The following TMEM232 variants were observed in gnomAD, a reference collection of about 807,000 sequenced individuals.
TMEM232 encodes transmembrane protein 232.
TMEM232 carries 80 observed loss-of-function variants against 78.8 expected under a neutral mutation model. The ratio of observed to expected loss-of-function variants is 1.01; its 90% CI spans 0.85 to 1.22. The LOEUF is 1.22. TMEM232 is among the 50% of genes most tolerant of loss of function. The probability of loss-of-function intolerance (pLI) is 0.00; values close to 1 mark genes in which losing one functional copy is unlikely to be tolerated. For missense variants in TMEM232, 881 were observed against 742.2 expected (o/e 1.19, Z -2.17); for synonymous variants, 297 against 254.3 (o/e 1.17, Z -1.60).
At chr5:110,478,787 A>T (rs1421695575) in intron 12 of TMEM232, among the ~76,000 whole-genome samples, 1 of 151,796 alleles carries the variant, frequency 6.6e-6, no homozygotes. Flanking sequence ...GTGTTAGACC[A>T]CTGCTGTAAT....
chr5:110,673,711 T>G (rs1235698679), intron 1 of TMEM232, among the ~76,000 whole-genome samples: 1 of 152,182 alleles, frequency 6.6e-6, no homozygotes, highest in African/African-American at 2.4e-5. Context: ...GATCATTGGA[T>G]TCTGAAGTTT....
At chr5:110,451,977 A>G (rs1760347499) in intron 12 of TMEM232, among the ~76,000 whole-genome samples, 1 of 152,124 alleles carries the variant, frequency 6.6e-6, no homozygotes, top group Non-Finnish European at 1.5e-5. Context: ...TTCAGCTACT[A>G]TTTTTGTTGA....
chr5:110,548,700 G>C (rs993466773), intron 11 of TMEM232, among the ~76,000 whole-genome samples: 1 of 151,890 alleles, frequency 6.6e-6, no homozygotes, highest in African/African-American at 2.4e-5. Context: ...TAAATAAACT[G>C]TTTCAATTTG....
chr5:110,681,734 T>C (rs971968430), intron 1 of TMEM232, among the ~76,000 whole-genome samples: 2 of 152,222 alleles, frequency 1.3e-5, no homozygotes, highest in South Asian at 2.1e-4. Context: ...AGTTGAATAA[T>C]AGAACTTGGT....
chr5:110,485,248 C>A (rs1203929236), intron 12 of TMEM232, among the ~76,000 whole-genome samples: 1 of 152,096 alleles, frequency 6.6e-6, no homozygotes, highest in Non-Finnish European at 1.5e-5. Flanking sequence ...ACCTACTAGG[C>A]GTAAGTAACA....
At chr5:110,613,786 T>C (rs1214061721) in intron 8 of TMEM232, among the ~76,000 whole-genome samples, 1 of 152,142 alleles carries the variant, frequency 6.6e-6, no homozygotes, top group Non-Finnish European at 1.5e-5. Context: ...TCTGGTTTTA[T>C]TTTGGTAATT....
At chr5:110,590,054 T>C (rs139830357) in intron 10 of TMEM232, among the ~76,000 whole-genome samples, 2 of 152,214 alleles carry the variant, frequency 1.3e-5, no homozygotes, top group African/African-American at 4.8e-5. Context: ...ATAAAAGGAA[T>C]AATAAAAGTC....
intron 11 of TMEM232, among the ~76,000 whole-genome samples, chr5:110,549,036 T>C (rs1386896710): frequency 6.6e-6 from 1 of 151,940 alleles, no homozygotes; most frequent in Non-Finnish European, 1.5e-5. Context: ...TAAATAGAGA[T>C]AACAGAAATT....
At chr5:110,737,125 T>C (rs1205295759) in intron 1 of TMEM232, among the ~76,000 whole-genome samples, 1 of 152,106 alleles carries the variant, frequency 6.6e-6, no homozygotes, top group East Asian at 1.9e-4. Context: ...CTCCCTAAAC[T>C]AGAATGTCAG....
intron 3 of TMEM232, among the ~76,000 whole-genome samples, chr5:110,397,253 G>A (rs1381606245): frequency 6.6e-6 from 1 of 152,066 alleles, no homozygotes; most frequent in Non-Finnish European, 1.5e-5. Flanking sequence ...TATGCCATCT[G>A]TTTAAAATTT....
At chr5:110,477,597 A>T (rs1195208505) in intron 12 of TMEM232, among the ~76,000 whole-genome samples, 1 of 151,794 alleles carries the variant, frequency 6.6e-6, no homozygotes, top group Admixed American at 6.6e-5. Flanking sequence ...GGTTGTGTTA[A>T]CTATTACTCT....
chr5:110,626,589 CTAAA>C (rs1288296744), intron 6 of TMEM232, among the ~76,000 whole-genome samples: 7 of 152,096 alleles, frequency 4.6e-5, no homozygotes, highest in East Asian at 1.9e-4. Flanking sequence ...TTTTATCCAT[CTAAA>C]TAAACTATTG....
intron 11 of TMEM232, among the ~76,000 whole-genome samples, chr5:110,548,097 C>T (rs1196745381): frequency 6.6e-6 from 1 of 151,058 alleles, no homozygotes; most frequent in East Asian, 1.9e-4. Context: ...GTGTTTTCCT[C>T]GAGCAGAAGA....
intron 7 of TMEM232, among the ~76,000 whole-genome samples, chr5:110,619,549 A>G (rs2149897847): frequency 6.6e-6 from 1 of 152,300 alleles, no homozygotes; most frequent in South Asian, 2.1e-4. Context: ...AATTCAGAAA[A>G]GCAAATGAAA....
chr5:110,388,006 T>C (rs1222706926), exon 5 of TMEM232: 2 of 152,620 alleles, frequency 1.3e-5, no homozygotes, highest in African/African-American at 4.8e-5. Flanking sequence ...GCCAAGAGGA[T>C]TGAAGACACG....
At chr5:110,674,938 G>T (rs1791832978) in intron 1 of TMEM232, among the ~76,000 whole-genome samples, 1 of 152,180 alleles carries the variant, frequency 6.6e-6, no homozygotes, top group Non-Finnish European at 1.5e-5. Context: ...AGAACTGTTG[G>T]ATTAGCACCA....
At chr5:110,672,680 C>T (rs1161451714) in intron 1 of TMEM232, among the ~76,000 whole-genome samples, 1 of 152,058 alleles carries the variant, frequency 6.6e-6, no homozygotes, top group East Asian at 1.9e-4. Flanking sequence ...AATCCTCCCT[C>T]CCCCAAAAAT....
At chr5:110,419,167 AT>A (rs11285256), downstream of TMEM232, among the ~76,000 whole-genome samples, 41,254 of 149,050 alleles carry the variant, frequency 0.28, 9,258 homozygotes, top group African/African-American at 0.61. Flanking sequence ...TCTTCTATAG[AT>A]TTTTTTTTTT....
At chr5:110,572,471 AG>A (rs1194860294) in intron 10 of TMEM232, among the ~76,000 whole-genome samples, 4 of 152,096 alleles carry the variant, frequency 2.6e-5, no homozygotes, top group Non-Finnish European at 4.4e-5. Context: ...ATTTACTTAC[AG>A]ACTCTCAACA....
Sources: allele counts gnomAD v4.1 joint callset (sites outside exome capture counted in the v4.1 genomes callset), GRCh38; gene constraint gnomAD v4.1.1; transcripts MANE v1.5; gene names NCBI Gene and HGNC (gene_info 2026-07-23, HGNC 2026-07-21).